GPC3: variants seen among roughly 807,000 people sequenced by gnomAD.
GPC3 encodes the protein glypican 3.
In GPC3, 3 loss-of-function variants were observed where a neutral mutation model predicts 34.4. The observed-to-expected ratio is 0.09, with a 90% confidence interval of 0.04 to 0.23. The LOEUF is 0.23. GPC3 is among the 10% of genes least tolerant of loss of function. GPC3 has a pLI of 1.00. For missense variants in GPC3, 351 were observed against 445.6 expected (o/e 0.79, Z 1.91); for synonymous variants, 177 against 174.0 (o/e 1.02, Z -0.13).
At chrX:133,977,711 A>G (rs1436576393) in intron 1 of GPC3, among the ~76,000 whole-genome samples, 1 of 111,805 alleles carries the variant, frequency 8.9e-6, no homozygotes, top group Non-Finnish European at 1.9e-5. Context: ...TTGTTTTCAA[A>G]TGAACATCAT....
chrX:133,884,385 T>C lies in GPC3; in HGVS notation c.337+68665A>G, dbSNP rs185149676. Among the ~76,000 whole-genome samples, 17 of 111,666 alleles carry C rather than the reference T, an allele frequency of 1.5e-4. No homozygotes were observed. The East Asian group carries it at 4.2e-3, about 28-fold the overall frequency. ...GATTTATCAAATTGCAAGAAAAAGA[T>C]AGCTAGCTCAAATATTGGATGTCTC... On this transcript the variant is annotated intron_variant, in intron 2 of 7. Coordinates refer to ENST00000370818, the MANE Select transcript of GPC3 (RefSeq NM_004484.4).
At chrX:133,957,009 C>A (rs1294611328) in intron 1 of GPC3, among the ~76,000 whole-genome samples, 5 of 111,698 alleles carry the variant, frequency 4.5e-5, no homozygotes, top group Non-Finnish European at 9.4e-5. Flanking sequence ...ACTCCCACCA[C>A]CTGAAGAATC....
chrX:133,916,804 A>G (rs1040828166), intron 2 of GPC3, among the ~76,000 whole-genome samples: 5 of 111,163 alleles, frequency 4.5e-5, no homozygotes, highest in African/African-American at 9.8e-5. Flanking sequence ...ACTTGAGCCC[A>G]GGAAATCAAA....
At chrX:133,914,123 A>G (rs2076212995) in intron 2 of GPC3, among the ~76,000 whole-genome samples, 1 of 111,371 alleles carries the variant, frequency 9.0e-6, no homozygotes, top group South Asian at 3.8e-4. Context: ...AGGCATTTCA[A>G]TGGTGAGGAA....
In GPC3 at chrX:133,985,370, G is replaced by A. The variant is rs1556367809; in HGVS notation, c.80C>T (p.Pro27Leu). ...ACAGGTGGCGTCCGGCGGCGGCGGC[G>A]GGGGCTGCGCCTGTCCCGGGAAGTC... ...SLDFPGQAQP[P>L]PPPPDATCHQ... The change falls in exon 1 of 8, where the codon CCG (proline) becomes CTG (leucine). Residue 27 changes from proline to leucine, a missense_variant. By Grantham distance (98) the Pro-to-Leu change is moderately conservative. Coordinates refer to ENST00000370818, the MANE Select transcript of GPC3 (RefSeq NM_004484.4). 2 of 1,201,109 alleles carry A rather than the reference G, an allele frequency of 1.7e-6. No individual in the cohort carries two copies. The highest frequency in any genetic ancestry group is 3.6e-5 in the South Asian group (2 of 55,408).
chrX:133,770,677 T>C (rs930043825), intron 2 of GPC3, among the ~76,000 whole-genome samples: 1 of 111,622 alleles, frequency 9.0e-6, no homozygotes, highest in African/African-American at 3.3e-5. Flanking sequence ...TTGCTACCAT[T>C]TGTCCCCAAG....
At chrX:133,942,330 T>C (rs776292652) in intron 2 of GPC3, among the ~76,000 whole-genome samples, 21 of 111,960 alleles carry the variant, frequency 1.9e-4, no homozygotes, top group Middle Eastern at 9.2e-3. Context: ...AAATATTTAA[T>C]TACACGGACA....
At position 133,863,582 on chromosome X, in the gene GPC3, G is replaced by A. The variant is rs192819617; in HGVS notation, c.337+89468C>T. On this transcript the variant is annotated intron_variant, in intron 2 of 7. Coordinates refer to ENST00000370818, the MANE Select transcript of GPC3 (RefSeq NM_004484.4). ...TTCATTCCTTTGTATTAAGGGCACT[G>A]TGCAACCACCACCAACATCAACACA... Among the ~76,000 whole-genome samples, 535 of 104,324 alleles carry A rather than the reference G, an allele frequency of 5.1e-3. 3 individuals are homozygous for A. Among genetic ancestry groups the A allele is most frequent in the Non-Finnish European group, 7.1e-3 (362 of 51,324 alleles). 90.6% of individuals were successfully genotyped at this position (104,324 alleles called of 115,157 possible).
intron 3 of GPC3, among the ~76,000 whole-genome samples, chrX:133,731,900 C>T (rs746079947): frequency 8.9e-6 from 1 of 112,449 alleles, no homozygotes; most frequent in South Asian, 3.7e-4. Context: ...TAGATGTCTT[C>T]ACTTGCTGCT....
chrX:133,978,995 A>G (rs1164340707), intron 1 of GPC3, among the ~76,000 whole-genome samples: 1 of 112,617 alleles, frequency 8.9e-6, no homozygotes, highest in Non-Finnish European at 1.9e-5. Flanking sequence ...GAATAAATAT[A>G]TGCTTCACTG....
At chrX:133,976,633 G>T (rs2076516594) in intron 1 of GPC3, among the ~76,000 whole-genome samples, 1 of 41 alleles carries the variant, frequency 0.024, no homozygotes, top group South Asian at 0.33. Context: ...GGGGCAACTC[G>T]CCAGGGAGCA....
intron 6 of GPC3, among the ~76,000 whole-genome samples, chrX:133,639,347 T>C (rs76276089): frequency 8.9e-6 from 1 of 112,418 alleles, no homozygotes; most frequent in Non-Finnish European, 1.9e-5. Flanking sequence ...TTTGTGTCTG[T>C]ATCTGTCTCT....
At chrX:133,737,206 G>A (rs1271452363) in intron 3 of GPC3, among the ~76,000 whole-genome samples, 1 of 112,339 alleles carries the variant, frequency 8.9e-6, no homozygotes, top group Non-Finnish European at 1.9e-5. Flanking sequence ...TAGTGGAGAG[G>A]GAGGGATGAA....
intron 7 of GPC3, among the ~76,000 whole-genome samples, chrX:133,540,808 G>A (rs2069333367): frequency 9.0e-6 from 1 of 110,850 alleles, no homozygotes; most frequent in South Asian, 3.9e-4. Flanking sequence ...CCAGGCAGAG[G>A]GTACAGCCTG....
chrX:133,793,365 G>A (rs956389128), intron 2 of GPC3, among the ~76,000 whole-genome samples: 2 of 112,020 alleles, frequency 1.8e-5, no homozygotes, highest in Non-Finnish European at 1.9e-5. Context: ...AGGGCTTAAT[G>A]AATATCCAAA....
chrX:133,844,304 C>T lies in GPC3; in HGVS notation c.338-90128G>A, dbSNP rs1238085814. On this transcript the variant is annotated intron_variant, in intron 2 of 7. Transcript: ENST00000370818. ...AGTGTTCCCACCACACACACACAAACGGTAACTAGGTGAGGTGATTGTTGT... is the reference window on the plus strand; with the variant it reads ...AGTGTTCCCACCACACACACACAAATGGTAACTAGGTGAGGTGATTGTTGT... Among the ~76,000 whole-genome samples the T allele has an allele frequency of 4.5e-5, 5 of 112,313 alleles. No individual in the cohort carries two copies. The East Asian group carries it at 8.4e-4, about 19-fold the overall frequency.
chrX:133,858,665 AGGAT>A (rs1488638398), intron 2 of GPC3, among the ~76,000 whole-genome samples: 4 of 112,285 alleles, frequency 3.6e-5, no homozygotes, highest in Middle Eastern at 4.6e-3. Flanking sequence ...CTTAATGAAA[AGGAT>A]ATCATTTTAG....
At chrX:133,931,566 A>G (rs927701917) in intron 2 of GPC3, among the ~76,000 whole-genome samples, 2 of 111,761 alleles carry the variant, frequency 1.8e-5, no homozygotes, top group Non-Finnish European at 3.8e-5. Flanking sequence ...CATTTCCCTC[A>G]TACATCAAAT....
At chrX:133,939,182 G>A (rs1206662109) in intron 2 of GPC3, among the ~76,000 whole-genome samples, 1 of 111,599 alleles carries the variant, frequency 9.0e-6, no homozygotes, top group South Asian at 3.8e-4. Context: ...TGTTGATGAA[G>A]TCAAGACACT....
Sources: gnomAD v4.1 joint callset for allele counts (sites outside exome capture counted in the v4.1 genomes callset) on GRCh38, gnomAD v4.1.1 for gene constraint, MANE v1.5 for transcripts, NCBI Gene and HGNC (gene_info 2026-07-23, HGNC 2026-07-21) for gene names.